The following TRIM69 variants were observed in gnomAD, a reference collection of about 807,000 sequenced individuals.
TRIM69 encodes E3 ubiquitin-protein ligase TRIM69.
A neutral mutation model predicts 37.7 loss-of-function variants in TRIM69; 29 were observed. The ratio of observed to expected loss-of-function variants is 0.77; its 90% CI spans 0.57 to 1.05. The LOEUF (loss-of-function observed/expected upper bound fraction) is 1.05. Ranked by LOEUF, TRIM69 falls within the 50% of genes least tolerant of loss-of-function variation. The probability of loss-of-function intolerance (pLI) is 0.00; values close to 1 mark genes in which losing one functional copy is unlikely to be tolerated. For missense variants in TRIM69, 596 were observed against 579.9 expected (o/e 1.03, Z -0.28); for synonymous variants, 209 against 212.4 (o/e 0.98, Z 0.14).
At chr15:44,756,565 C>T in intron 3 of TRIM69, 102 bp downstream of exon 3, 1 of 710,800 alleles carries the variant, frequency 1.4e-6, no homozygotes, top group Non-Finnish European at 2.4e-6. Context: ...TATCTACACA[C>T]TAAATGGTAC....
At chr15:44,765,342 T>C (rs749804757) in intron 6 of TRIM69, among the ~76,000 whole-genome samples, 1 of 152,168 alleles carries the variant, frequency 6.6e-6, no homozygotes, top group South Asian at 2.1e-4. Flanking sequence ...AAAAAGTCTT[T>C]ATGGTACCTC....
At chr15:44,764,681 T>C (rs975279730) in intron 6 of TRIM69, among the ~76,000 whole-genome samples, 1 of 152,266 alleles carries the variant, frequency 6.6e-6, no homozygotes, top group African/African-American at 2.4e-5. Context: ...TGGGTCAGAT[T>C]TGACCTGTTG....
intron 6 of TRIM69, among the ~76,000 whole-genome samples, chr15:44,761,087 T>C (rs1007728821): frequency 1.3e-5 from 2 of 151,988 alleles, no homozygotes; most frequent in African/African-American, 4.8e-5. Context: ...CCGGCTAATT[T>C]TTTTATATTT....
chr15:44,758,498 A>G (rs559106734), intron 3 of TRIM69, 123 bp from the exon 4 acceptor site: 1 of 1,350,546 alleles, frequency 7.4e-7, no homozygotes, highest in East Asian at 2.5e-5. Flanking sequence ...GATATTCAGT[A>G]GCCATTTGTA....
At chr15:44,753,737 CAG>C (rs1054694737) in intron 1 of TRIM69, 7 of 151,822 alleles carry the variant, frequency 4.6e-5, no homozygotes, top group Admixed American at 6.6e-5. Context: ...TTTTTTGAGA[CAG>C]AGTTTCACTC....
chr15:44,753,496 T>A (rs2087578258), intron 1 of TRIM69: 1 of 152,126 alleles, frequency 6.6e-6, no homozygotes. Flanking sequence ...GGCTTTCATA[T>A]TTTCTGAAAA....
At chr15:44,749,046 T>A (rs191870921) in intron 1 of TRIM69, among the ~76,000 whole-genome samples, 1 of 151,402 alleles carries the variant, frequency 6.6e-6, no homozygotes, top group East Asian at 2.0e-4. Flanking sequence ...ACACCCAGTT[T>A]TTGTTTTTGT....
intron 3 of TRIM69, chr15:44,758,416 C>A: frequency 1.3e-6 from 1 of 761,708 alleles, no homozygotes. Context: ...TTGCCTATTT[C>A]ATCCTGAACT....
At chr15:44,738,120 A>G (rs2087202368) in intron 1 of TRIM69, among the ~76,000 whole-genome samples, 1 of 145,684 alleles carries the variant, frequency 6.9e-6, no homozygotes, top group Non-Finnish European at 1.5e-5. Context: ...GTGCAGTGGC[A>G]CCATCTCAGC....
chr15:44,755,102 G>A lies in TRIM69; in HGVS notation c.209G>A (p.Arg70Lys), dbSNP rs376689325. The A allele has an allele frequency of 1.4e-5, 23 of 1,614,056 alleles. No homozygotes were observed. The African/African-American group carries it at 2.8e-4, about 20-fold the overall frequency. Reference protein sequence around the residue: ...FCEACIQDFWRLQAKETFCPE... With the variant: ...FCEACIQDFWKLQAKETFCPE... ...GAAGCCTGTATCCAAGACTTTTGGA[G>A]GCTGCAAGCAAAGGAAACATTCTGT... is the stretch of plus-strand genomic sequence containing the variant. The change falls in exon 2 of 7, where the codon AGG (arginine) becomes AAG (lysine). Residue 70 changes from arginine to lysine, a missense_variant. Arg to Lys is a conservative substitution (Grantham distance 26). Transcript: ENST00000329464.
chr15:44,741,871 C>T (rs954133757), intron 1 of TRIM69, among the ~76,000 whole-genome samples: 5 of 152,136 alleles, frequency 3.3e-5, no homozygotes, highest in Admixed American at 6.5e-5. Context: ...GATTCACAGC[C>T]GAATTCTACC....
At chr15:44,767,053 C>CAAAAGAAAAAA (rs2087904982) in intron 6 of TRIM69, among the ~76,000 whole-genome samples, 178 bp from the exon 7 acceptor site, 1 of 24,310 alleles carries the variant, frequency 4.1e-5, no homozygotes, top group African/African-American at 1.5e-4. Context: ...TTGTCTGCCT[C>CAAAAGAAAAAA]AAAAAAAAAA....
intron 6 of TRIM69, among the ~76,000 whole-genome samples, chr15:44,765,974 C>T (rs2087879742): frequency 1.3e-5 from 2 of 152,158 alleles, no homozygotes; most frequent in Admixed American, 1.3e-4. Context: ...CATCCTCTTG[C>T]TGGTCAGCTT....
At chr15:44,760,220 T>C (rs961487721) in intron 6 of TRIM69, among the ~76,000 whole-genome samples, 5 of 152,338 alleles carry the variant, frequency 3.3e-5, no homozygotes, top group African/African-American at 9.6e-5. Flanking sequence ...TTTCTGAACA[T>C]ACTCTTTTTA....
intron 1 of TRIM69, among the ~76,000 whole-genome samples, chr15:44,743,625 AC>A (rs2087340045): frequency 6.6e-6 from 1 of 152,218 alleles, no homozygotes; most frequent in Non-Finnish European, 1.5e-5. Flanking sequence ...CAAGAAAAAA[AC>A]AACCCCATCA....
intron 1 of TRIM69, among the ~76,000 whole-genome samples, chr15:44,737,014 A>G (rs749115755): frequency 6.6e-6 from 1 of 152,216 alleles, no homozygotes; most frequent in Non-Finnish European, 1.5e-5. Context: ...TTTAAAAATT[A>G]TTATGTATAA....
intron 6 of TRIM69, among the ~76,000 whole-genome samples, chr15:44,766,979 A>G (rs2087900946): frequency 7.2e-6 from 1 of 139,022 alleles, no homozygotes; most frequent in East Asian, 2.3e-4. Flanking sequence ...GAATTGCTTG[A>G]ACCCAGGAAG....
intron 1 of TRIM69, among the ~76,000 whole-genome samples, chr15:44,750,071 G>C (rs1225422973): frequency 2.0e-5 from 3 of 152,092 alleles, no homozygotes; most frequent in African/African-American, 2.4e-5. Context: ...TTTAAAAATT[G>C]GGTTGTTTAT....
chr15:44,761,028 C>T (rs2087763812), intron 6 of TRIM69, among the ~76,000 whole-genome samples: 1 of 152,018 alleles, frequency 6.6e-6, no homozygotes, highest in African/African-American at 2.4e-5. Context: ...TGCCATTCTC[C>T]TGCCTCAGCC....
Sources: allele counts gnomAD v4.1 joint callset (sites outside exome capture counted in the v4.1 genomes callset), GRCh38; gene constraint gnomAD v4.1.1; transcripts MANE v1.5; gene names NCBI Gene and HGNC (gene_info 2026-07-23, HGNC 2026-07-21).